The following NRDE2 variants were observed in gnomAD, a reference collection of about 807,000 sequenced individuals.
The protein encoded by NRDE2 is nuclear exosome regulator NRDE2.
In NRDE2, 76 loss-of-function variants were observed where a neutral mutation model predicts 124.2. That is an observed-to-expected ratio of 0.61 (90% CI 0.51 to 0.74). The LOEUF (loss-of-function observed/expected upper bound fraction) is 0.74, where lower values mean the gene tolerates loss of function less well. Ranked by LOEUF, NRDE2 falls within the 30% of genes least tolerant of loss-of-function variation. The pLI, the probability that NRDE2 is intolerant of heterozygous loss-of-function variation, is 0.00. For synonymous variants in NRDE2, 489 were observed against 528.1 expected (o/e 0.93, Z 1.01); for missense variants, 1,314 against 1,417.3 (o/e 0.93, Z 1.17).
Position 90,292,151 on chromosome 14 carries a change from C to T in NRDE2, c.1842+546G>A, listed in dbSNP as rs117029803. On this transcript the variant is annotated intron_variant, in intron 9 of 13. Coordinates refer to ENST00000354366, the MANE Select transcript of NRDE2 (RefSeq NM_017970.4). Reference sequence around the variant, plus strand: ...GATAACACAGATGAACTGCCTGGCACGCCACAGGTATTCAATAAACACTAG... The same window carrying T: ...GATAACACAGATGAACTGCCTGGCATGCCACAGGTATTCAATAAACACTAG... Among the ~76,000 whole-genome samples, 550 of 152,310 alleles carry T rather than the reference C, an allele frequency of 3.6e-3. 2 individuals are homozygous for T. Among genetic ancestry groups the T allele is most frequent in the South Asian group, 0.016 (76 of 4,824 alleles).
chr14:90,319,828 C>G (rs1885178369), intron 1 of NRDE2, among the ~76,000 whole-genome samples: 1 of 152,156 alleles, frequency 6.6e-6, no homozygotes, highest in Admixed American at 6.5e-5. Context: ...TTTCATTTCT[C>G]CTGAGTGGAT....
chr14:90,305,219 T>C (rs558951392), intron 4 of NRDE2, among the ~76,000 whole-genome samples: 3 of 151,660 alleles, frequency 2.0e-5, no homozygotes, highest in Admixed American at 2.0e-4. Context: ...CACAATGAGG[T>C]ACCCCACACA....
intron 8 of NRDE2, among the ~76,000 whole-genome samples, chr14:90,297,473 C>T (rs1261142487): frequency 6.6e-6 from 1 of 151,992 alleles, no homozygotes; most frequent in African/African-American, 2.4e-5. Context: ...TTGGGCAGCT[C>T]TGTATTAGAG....
Position 90,331,898 on chromosome 14 carries a change from G to C in NRDE2, c.7C>G (p.Leu3Val). The C allele has an allele frequency of 6.2e-7, 1 of 1,614,136 alleles. No homozygotes were observed. Among genetic ancestry groups the C allele is most frequent in the Non-Finnish European group, 8.5e-7 (1 of 1,180,044 alleles). The change falls in exon 1 of 14, where the codon CTG (leucine) becomes GTG (valine). Residue 3 changes from leucine to valine, a missense_variant. Coordinates refer to ENST00000354366, the MANE Select transcript of NRDE2 (RefSeq NM_017970.4). MALFPAFAGLSEA... is the reference protein window; with the variant it reads MAVFPAFAGLSEA... The stretch of plus-strand genomic sequence containing the variant: ...CTAAGCCCCGCAAAGGCTGGGAACA[G>C]CGCCATGACCACAGGCCGTACCTCC...
Position 90,301,344 on chromosome 14 carries a change from CAG to C in NRDE2, c.1438_1439del (p.Leu480AlafsTer7). On this transcript the variant is annotated frameshift_variant, in exon 7 of 14. Coordinates refer to ENST00000354366, the MANE Select transcript of NRDE2 (RefSeq NM_017970.4). LOFTEE classifies it high-confidence loss of function. The stretch of plus-strand genomic sequence containing the variant: ...CCTTCTCAGAGTGGCCAGCCTGCCG[CAG>C]AAAGTGGCACTGCTGAAGAAAGAGT... ...FALFLQQCHFLRQAGHSEKAI... is the reference protein window; with the variant it reads ...FALFLQQCHFXRQAGHSEKAI... 6.2e-7 allele frequency: 1 copy of C among 1,613,896 alleles called. No individual in the cohort carries two copies. Among genetic ancestry groups the C allele is most frequent in the South Asian group, 1.1e-5 (1 of 91,066 alleles).
chr14:90,277,409 C>A lies in NRDE2; in HGVS notation c.*927G>T, dbSNP rs1197325618. On this transcript the variant is annotated 3_prime_UTR_variant, in exon 14 of 14. Transcript: ENST00000354366. ...GGAGAAGATAAGAAAACCATTCCTTCCAGCCATATGTTAATAGTGAAAATC... is the reference window on the plus strand; with the variant it reads ...GGAGAAGATAAGAAAACCATTCCTTACAGCCATATGTTAATAGTGAAAATC... The A allele has an allele frequency of 6.6e-6, 1 of 152,274 alleles. No homozygotes were observed. The highest frequency in any genetic ancestry group is 1.5e-5 in the Non-Finnish European group (1 of 68,068). The allele number at this position is 152,274 out of a possible 1,614,324, so 9.4% of individuals were successfully genotyped here.
chr14:90,289,480 G>A (rs1892210155), intron 10 of NRDE2, among the ~76,000 whole-genome samples: 1 of 152,222 alleles, frequency 6.6e-6, no homozygotes, highest in Non-Finnish European at 1.5e-5. Flanking sequence ...TGAAGCTTCA[G>A]AACTTGGGTG....
intron 1 of NRDE2, among the ~76,000 whole-genome samples, chr14:90,327,523 T>C (rs1281371105): frequency 1.3e-5 from 2 of 149,852 alleles, no homozygotes; most frequent in Non-Finnish European, 3.0e-5. Context: ...CACTCCAACC[T>C]GGGCGACAGA....
At chr14:90,309,067 T>C (rs976707883) in intron 4 of NRDE2, among the ~76,000 whole-genome samples, 1 of 151,672 alleles carries the variant, frequency 6.6e-6, no homozygotes, top group African/African-American at 2.4e-5. Flanking sequence ...ACGGTGAAAC[T>C]CCATCTCTAC....
chr14:90,325,818 T>C (rs965534305), intron 1 of NRDE2, among the ~76,000 whole-genome samples: 3 of 152,156 alleles, frequency 2.0e-5, no homozygotes, highest in African/African-American at 7.2e-5. Flanking sequence ...TAAGCCACTG[T>C]GCCCAGCCCT....
In NRDE2 at chr14:90,269,515, A is replaced by G; in HGVS notation, c.*8821T>C. On this transcript the variant is annotated 3_prime_UTR_variant, in exon 14 of 14. Transcript: ENST00000354366. ...GAAAGTTATCATGGCCACAAACCGA[A>G]TAGAAACTTTGGATCCAGCACTTAT... 6.2e-7 allele frequency: 1 copy of G among 1,614,016 alleles called. No homozygotes were observed. The highest frequency in any genetic ancestry group is 1.1e-5 in the South Asian group (1 of 91,044).
Position 90,269,986 on chromosome 14 carries a change from G to A in NRDE2, c.*8350C>T, listed in dbSNP as rs1595046068. On this transcript the variant is annotated 3_prime_UTR_variant, in exon 14 of 14. Coordinates refer to ENST00000354366, the MANE Select transcript of NRDE2 (RefSeq NM_017970.4). ...TTCATTTATTTCTGAAGGTACCAAA[G>A]CAGAGAGAGTTTCTTTTAAATGAAG... is the stretch of plus-strand genomic sequence containing the variant. 1.8e-6 allele frequency: 1 copy of A among 548,360 alleles called. No homozygotes were observed. The highest frequency in any genetic ancestry group is 3.2e-6 in the Non-Finnish European group (1 of 317,356). 34.0% of individuals were successfully genotyped at this position (548,360 alleles called of 1,614,324 possible).
At position 90,270,429 on chromosome 14, in the gene NRDE2, A is replaced by G; in HGVS notation, c.*7907T>C. 2 of 1,495,052 alleles carry G rather than the reference A, an allele frequency of 1.3e-6. No homozygotes were observed. Among genetic ancestry groups the G allele is most frequent in the Non-Finnish European group, 1.8e-6 (2 of 1,115,880 alleles). 92.6% of individuals were successfully genotyped at this position (1,495,052 alleles called of 1,614,324 possible). ...GAAAGAGTCTATATGTGCTCTTGGG[A>G]TGGTGGTTGGCCTGGACAGGTGGGT... is the stretch of plus-strand genomic sequence containing the variant. On this transcript the variant is annotated 3_prime_UTR_variant, in exon 14 of 14. Transcript: ENST00000354366.
In NRDE2 at chr14:90,276,040, G is replaced by A. The variant is rs983307687; in HGVS notation, c.*2296C>T. The A allele has an allele frequency of 1.3e-5, 2 of 152,168 alleles. No homozygotes were observed. The highest frequency in any genetic ancestry group is 2.9e-5 in the Non-Finnish European group (2 of 68,040). 9.4% of individuals were successfully genotyped at this position (152,168 alleles called of 1,614,324 possible). A position where few individuals can be genotyped will look rare whatever the true frequency, so the allele number is the denominator to read the frequency against. On this transcript the variant is annotated 3_prime_UTR_variant, in exon 14 of 14. Transcript: ENST00000354366. ...CCAAACCCGAGGTGGGCCGACCCCTGTGGTCTGATGTGATCAGTGACTCCT... is the reference window on the plus strand; with the variant it reads ...CCAAACCCGAGGTGGGCCGACCCCTATGGTCTGATGTGATCAGTGACTCCT...
intron 4 of NRDE2, among the ~76,000 whole-genome samples, chr14:90,308,802 T>C (rs758576004): frequency 2.6e-5 from 4 of 152,162 alleles, no homozygotes; most frequent in Non-Finnish European, 5.9e-5. Flanking sequence ...GTCACAAGCA[T>C]GCACAGATGA....
intron 4 of NRDE2, among the ~76,000 whole-genome samples, chr14:90,305,542 T>C (rs985006241): frequency 1.8e-4 from 27 of 152,138 alleles, no homozygotes; most frequent in African/African-American, 6.3e-4. Context: ...CAATAGAAGA[T>C]GGATAAGTAA....
In NRDE2 at chr14:90,303,134, CA is replaced by C. The variant is rs757669007; in HGVS notation, c.1006-10del. On this transcript the variant is annotated splice_polypyrimidine_tract_variant and intron_variant, in intron 5 of 13. Transcript: ENST00000354366. ...CTTTTCATGACCTCGTCCTCAACAA[CA>C]AAAACACCAATTTACAAATGCAAAT... 8 of 1,598,058 alleles carry C rather than the reference CA, an allele frequency of 5.0e-6. No homozygotes were observed. Among genetic ancestry groups the C allele is most frequent in the African/African-American group, 1.3e-5 (1 of 74,136 alleles).
At position 90,276,667 on chromosome 14, in the gene NRDE2, CG is replaced by C. The variant is rs887142642; in HGVS notation, c.*1668del. 15 of 152,158 alleles carry C rather than the reference CG, an allele frequency of 9.9e-5. No individual in the cohort carries two copies. The highest frequency in any genetic ancestry group is 3.3e-4 in the Admixed American group (5 of 15,282). 9.4% of individuals were successfully genotyped at this position (152,158 alleles called of 1,614,324 possible). ...TGTTCGAGCAGCCGCTTTATCCTCT[CG>C]GGGGCTCACTGCCCACTGCTAAGAG... On this transcript the variant is annotated 3_prime_UTR_variant, in exon 14 of 14. Transcript: ENST00000354366.
chr14:90,316,667 A>G lies in NRDE2; in HGVS notation c.318T>C (p.Ser106=). 6.2e-7 allele frequency: 1 copy of G among 1,614,018 alleles called. No homozygotes were observed. Among genetic ancestry groups the G allele is most frequent in the Non-Finnish European group, 8.5e-7 (1 of 1,180,006 alleles). The change falls in exon 3 of 14, where the codon AGT becomes AGC. Residue 106 remains serine, a synonymous_variant. Coordinates refer to ENST00000354366, the MANE Select transcript of NRDE2 (RefSeq NM_017970.4). The stretch of plus-strand genomic sequence containing the variant: ...CGGTGTCTGTCTCAGACCTGCTGCT[A>G]CTCGACGGCCCATGCTTCCTCTTTG... ...KKTKRKHGPS[S]SSRSETDTDS...
Sources: allele counts gnomAD v4.1 joint callset (sites outside exome capture counted in the v4.1 genomes callset), GRCh38; gene constraint gnomAD v4.1.1; transcripts MANE v1.5; gene names NCBI Gene and HGNC (gene_info 2026-07-23, HGNC 2026-07-21).